The following USO1 variants were observed in gnomAD, a reference collection of about 807,000 sequenced individuals.
USO1 encodes general vesicular transport factor p115.
In USO1, 57 loss-of-function variants were observed where a neutral mutation model predicts 124.5. The ratio of observed to expected loss-of-function variants is 0.46; its 90% CI spans 0.37 to 0.57. The LOEUF (loss-of-function observed/expected upper bound fraction) is 0.57, where lower values mean the gene tolerates loss of function less well. Among genes scored for constraint, USO1 ranks in the 20% least tolerant of loss-of-function variants. USO1 has a pLI of 0.00. For missense variants in USO1, 900 were observed against 1,040.6 expected (o/e 0.86, Z 1.86); for synonymous variants, 369 against 362.8 (o/e 1.02, Z -0.19).
chr4:75,738,662 T>C (rs1050552047), intron 1 of USO1, among the ~76,000 whole-genome samples: 1 of 151,812 alleles, frequency 6.6e-6, no homozygotes, highest in Non-Finnish European at 1.5e-5. Flanking sequence ...AAATTTTTAA[T>C]GGAGATAGGG....
At chr4:75,783,433 G>T (rs1274914390) in intron 9 of USO1, among the ~76,000 whole-genome samples, 1 of 152,156 alleles carries the variant, frequency 6.6e-6, no homozygotes, top group Admixed American at 6.6e-5. Context: ...TAAAAGTGAG[G>T]ACAGTAGGAT....
chr4:75,796,875 ATTTTTT>A (rs11290866), intron 13 of USO1, among the ~76,000 whole-genome samples: 4 of 131,668 alleles, frequency 3.0e-5, no homozygotes, highest in African/African-American at 1.2e-4. Flanking sequence ...TGAGTTACAG[ATTTTTT>A]TTTTTTTTTC....
intron 1 of USO1, among the ~76,000 whole-genome samples, chr4:75,735,316 A>G (rs4859406): frequency 0.53 from 80,057 of 151,934 alleles, 23,093 homozygotes; most frequent in East Asian, 0.82. Flanking sequence ...GAAGTCGTTT[A>G]TCAGCTCTAG....
intron 12 of USO1, among the ~76,000 whole-genome samples, chr4:75,792,478 A>G (rs1440471474): frequency 6.6e-6 from 1 of 152,172 alleles, no homozygotes; most frequent in Non-Finnish European, 1.5e-5. Flanking sequence ...CGGAGGTTGC[A>G]GTGAACTGAG....
chr4:75,799,151 G>C (rs1220286064), intron 13 of USO1, among the ~76,000 whole-genome samples: 1 of 151,688 alleles, frequency 6.6e-6, no homozygotes, highest in Non-Finnish European at 1.5e-5. Context: ...TGATTCAGGG[G>C]ATTATTTTTT....
intron 22 of USO1, among the ~76,000 whole-genome samples, chr4:75,811,291 G>T (rs1225562370): frequency 6.6e-6 from 1 of 152,030 alleles, no homozygotes; most frequent in East Asian, 1.9e-4. Context: ...GAGTAGCTGG[G>T]ATTTCAGGCA....
chr4:75,753,815 G>A (rs1423227100), intron 3 of USO1, among the ~76,000 whole-genome samples: 5 of 126,236 alleles, frequency 4.0e-5, no homozygotes, highest in East Asian at 4.3e-4. Context: ...ATTAAGTCTC[G>A]CTCTGTCGCC....
intron 9 of USO1, 56 bp from the exon 10 acceptor site, chr4:75,787,006 C>T: frequency 1.3e-6 from 2 of 1,500,814 alleles, no homozygotes; most frequent in East Asian, 5.1e-5. Context: ...ATCAGATTTG[C>T]CTCAAGCCTT....
At chr4:75,728,685 G>A (rs1720536068) in intron 1 of USO1, among the ~76,000 whole-genome samples, 1 of 152,194 alleles carries the variant, frequency 6.6e-6, no homozygotes. Context: ...CTGTCAAGTA[G>A]TAAATATTTT....
At chr4:75,759,962 A>G (rs1367778451) in intron 4 of USO1, among the ~76,000 whole-genome samples, 1 of 151,896 alleles carries the variant, frequency 6.6e-6, no homozygotes, top group African/African-American at 2.4e-5. Context: ...CTGTAATTCC[A>G]GCACTTTGGG....
At chr4:75,806,359 A>G (rs771132800) in intron 19 of USO1, 127 bp from the exon 20 acceptor site, 3 of 1,180,968 alleles carry the variant, frequency 2.5e-6, no homozygotes, top group Non-Finnish European at 3.5e-6. Flanking sequence ...GGGCATAAAA[A>G]TTAAAAGGTT....
At chr4:75,737,835 A>G (rs557160167) in intron 1 of USO1, among the ~76,000 whole-genome samples, 5 of 151,702 alleles carry the variant, frequency 3.3e-5, no homozygotes, top group African/African-American at 7.2e-5. Flanking sequence ...TATTATTATT[A>G]TTGTTATTTT....
rs72649493 is a variant in USO1 at position 75,774,322 on chromosome 4, A to T, written c.556-354A>T. 2.6e-3 allele frequency among the ~76,000 whole-genome samples: 391 copies of T among 152,356 alleles called. 1 individual carries two copies. The highest frequency in any genetic ancestry group is 4.5e-3 in the Non-Finnish European group (307 of 68,028). On this transcript the variant is annotated intron_variant, in intron 7 of 23. Transcript: ENST00000514213. ...TCATTATTACTGTTGTGAAGCAGGT[A>T]CAGTGGCATTCCTGAGACAGATACT...
intron 17 of USO1, among the ~76,000 whole-genome samples, chr4:75,803,057 A>G (rs1297112221): frequency 1.5e-4 from 21 of 140,950 alleles, no homozygotes; most frequent in Admixed American, 1.5e-4. Flanking sequence ...ATTGCACTCC[A>G]GCCTGGGCAA....
chr4:75,781,906 A>T (rs1194696085), intron 8 of USO1, among the ~76,000 whole-genome samples: 1 of 152,210 alleles, frequency 6.6e-6, no homozygotes, highest in African/African-American at 2.4e-5. Context: ...GCTATTGGTT[A>T]ATCTATTAGT....
At chr4:75,768,773 G>A (rs749713609) in intron 4 of USO1, among the ~76,000 whole-genome samples, 2 of 152,156 alleles carry the variant, frequency 1.3e-5, no homozygotes, top group Non-Finnish European at 2.9e-5. Context: ...GGTTTTTGTA[G>A]TTGCACTTTG....
intron 22 of USO1, among the ~76,000 whole-genome samples, chr4:75,811,259 G>A (rs190503364): frequency 3.2e-4 from 48 of 151,754 alleles, no homozygotes; most frequent in African/African-American, 1.1e-3. Flanking sequence ...AGATTCAAGC[G>A]ATTCTCCTGC....
chr4:75,762,164 C>CTTTTTTTTTTTTTTTTTTTTTTT (rs375866579), intron 4 of USO1, among the ~76,000 whole-genome samples: 1 of 70,156 alleles, frequency 1.4e-5, no homozygotes, highest in Non-Finnish European at 2.6e-5. Flanking sequence ...AACAATTTTA[C>CTTTTTTTTTTTTTTTTTTTTTTT]TTTTTTTTTT....
chr4:75,793,766 TGCTGCTGTG>T lies in USO1; in HGVS notation c.1320_1328del (p.Ala441_Ala443del). Reference sequence around the variant, plus strand: ...CTACTGATTCACTTTCAAACTGGTGTGCTGCTGTGGCCCTTGCCCATGCGTTGCAAGAAA... The same window carrying T: ...CTACTGATTCACTTTCAAACTGGTGTGCCCTTGCCCATGCGTTGCAAGAAA... On this transcript the variant is annotated inframe_deletion, in exon 13 of 24. Transcript: ENST00000514213. 3 of 1,613,920 alleles carry T rather than the reference TGCTGCTGTG, an allele frequency of 1.9e-6. No homozygotes were observed. The highest frequency in any genetic ancestry group is 2.5e-6 in the Non-Finnish European group (3 of 1,179,862).
Sources: allele counts gnomAD v4.1 joint callset (sites outside exome capture counted in the v4.1 genomes callset), GRCh38; gene constraint gnomAD v4.1.1; transcripts MANE v1.5; gene names NCBI Gene and HGNC (gene_info 2026-07-23, HGNC 2026-07-21).